CASK: variants seen among roughly 807,000 people sequenced by gnomAD.
CASK encodes the protein calcium/calmodulin dependent serine protein kinase, also known as peripheral plasma membrane protein CASK.
In CASK, 4 loss-of-function variants were observed where a neutral mutation model predicts 82.9. That is an observed-to-expected ratio of 0.05 (90% CI 0.02 to 0.11). The LOEUF is 0.11. Ranked by LOEUF, CASK falls within the 10% of genes least tolerant of loss-of-function variation. CASK has a pLI of 1.00. For synonymous variants in CASK, 259 were observed against 253.5 expected (o/e 1.02, Z -0.20); for missense variants, 358 against 720.9 (o/e 0.50, Z 5.76).
chrX:41,562,576 A>C (rs761427958), intron 16 of CASK: 3 of 112,325 alleles, frequency 2.7e-5, no homozygotes, highest in Non-Finnish European at 3.8e-5. Context: ...AATTACAAAA[A>C]GATATACAGA....
intron 18 of CASK, 186 bp downstream of exon 18, chrX:41,559,593 C>T (rs1201894225): frequency 1.0e-5 from 5 of 481,212 alleles, no homozygotes; most frequent in Non-Finnish European, 1.5e-5. Flanking sequence ...AGGAGATCCA[C>T]ATGGAAGCAG....
At chrX:41,889,522 A>G (rs2072125541) in intron 1 of CASK, among the ~76,000 whole-genome samples, 1 of 111,436 alleles carries the variant, frequency 9.0e-6, no homozygotes, top group Non-Finnish European at 1.9e-5. Context: ...AATGCTGGTG[A>G]GTCAGTATGA....
At chrX:41,690,148 GA>G (rs1378957776) in intron 5 of CASK, among the ~76,000 whole-genome samples, 1 of 111,560 alleles carries the variant, frequency 9.0e-6, no homozygotes, top group African/African-American at 3.3e-5. Flanking sequence ...TGCCCACTGG[GA>G]AATTAATCCC....
intron 2 of CASK, among the ~76,000 whole-genome samples, chrX:41,806,303 T>C (rs1338928575): frequency 8.9e-6 from 1 of 112,119 alleles, no homozygotes; most frequent in Non-Finnish European, 1.9e-5. Flanking sequence ...TATCTAAGTA[T>C]TTTAAATGTT....
intron 1 of CASK, among the ~76,000 whole-genome samples, chrX:41,922,202 A>AAC (rs1460893387): frequency 8.9e-6 from 1 of 112,115 alleles, no homozygotes; most frequent in Non-Finnish European, 1.9e-5. Flanking sequence ...GTAATTATAC[A>AAC]ACACAGATGA....
chrX:41,907,564 G>A (rs1234554906), intron 1 of CASK, among the ~76,000 whole-genome samples: 1 of 111,653 alleles, frequency 9.0e-6, no homozygotes, highest in Non-Finnish European at 1.9e-5. Context: ...GAGGGATGTG[G>A]GAAGGCTAAC....
chrX:41,755,711 T>C (rs1434881108), intron 3 of CASK, among the ~76,000 whole-genome samples: 2 of 111,929 alleles, frequency 1.8e-5, no homozygotes, highest in Non-Finnish European at 3.8e-5. Flanking sequence ...ATGGTATATA[T>C]AGAATATCCA....
At chrX:41,667,298 G>T (rs1388032471) in intron 6 of CASK, among the ~76,000 whole-genome samples, 1 of 111,637 alleles carries the variant, frequency 9.0e-6, no homozygotes, top group Non-Finnish European at 1.9e-5. Flanking sequence ...TAAATCAGTA[G>T]AAGGTAAAAA....
intron 1 of CASK, among the ~76,000 whole-genome samples, chrX:41,898,675 A>G (rs2072314879): frequency 9.0e-6 from 1 of 111,191 alleles, no homozygotes; most frequent in Admixed American, 9.5e-5. Flanking sequence ...TTTCCTTACA[A>G]TTTCTTCTTT....
intron 22 of CASK, among the ~76,000 whole-genome samples, chrX:41,542,172 TCA>T (rs1453029906): frequency 8.9e-6 from 1 of 112,724 alleles, no homozygotes; most frequent in Non-Finnish European, 1.9e-5. Flanking sequence ...AGAAGACGAC[TCA>T]CAGAAATGGA....
chrX:41,893,261 G>C (rs1018844976), intron 1 of CASK, among the ~76,000 whole-genome samples: 1 of 111,763 alleles, frequency 8.9e-6, no homozygotes, highest in Non-Finnish European at 1.9e-5. Context: ...TAGCTTTGTG[G>C]ACAGTTCCAC....
intron 14 of CASK, among the ~76,000 whole-genome samples, chrX:41,581,768 T>C (rs2065584224): frequency 9.1e-6 from 1 of 109,542 alleles, no homozygotes; most frequent in South Asian, 3.8e-4. Flanking sequence ...ATCTCAGAAT[T>C]ATATTTCCCA....
chrX:41,614,008 G>A (rs2066152085), intron 11 of CASK, among the ~76,000 whole-genome samples: 1 of 112,301 alleles, frequency 8.9e-6, no homozygotes, highest in African/African-American at 3.2e-5. Context: ...GATAATTGTA[G>A]ATTCACATGC....
chrX:41,910,882 G>T (rs998964569), intron 1 of CASK, among the ~76,000 whole-genome samples: 16 of 111,046 alleles, frequency 1.4e-4, no homozygotes, highest in African/African-American at 5.2e-4. Flanking sequence ...AAAATGTTTT[G>T]TTTTTTTTAA....
intron 2 of CASK, among the ~76,000 whole-genome samples, chrX:41,810,435 T>C (rs2147879475): frequency 8.9e-6 from 1 of 111,824 alleles, no homozygotes; most frequent in South Asian, 3.8e-4. Flanking sequence ...ATATTCAACA[T>C]TCTTAAAGAA....
intron 21 of CASK, among the ~76,000 whole-genome samples, chrX:41,543,927 T>G (rs746807406): frequency 2.0e-4 from 23 of 112,415 alleles, no homozygotes; most frequent in African/African-American, 7.1e-4. Context: ...AATACCACTG[T>G]GTTTTTAATT....
rs994017482 is a variant in CASK, at chrX:41,520,073, G to T, written c.*347C>A. 1.4e-4 allele frequency: 19 copies of T among 139,442 alleles called. No individual in the cohort carries two copies. The highest frequency in any genetic ancestry group is 2.4e-4 in the Non-Finnish European group (17 of 70,712). The allele number at this position is 139,442 out of a possible 1,213,427, so 11.5% of individuals were successfully genotyped here. ...ATCATTGTTTATTATTATTAAAATA[G>T]ATTATAGAAAGCAGCATCTATTTTG... On this transcript the variant is annotated 3_prime_UTR_variant, in exon 27 of 27. Transcript: ENST00000378163.
intron 17 of CASK, among the ~76,000 whole-genome samples, 173 bp from the exon 18 acceptor site, chrX:41,560,020 G>A (rs2065206682): frequency 8.9e-6 from 1 of 112,307 alleles, no homozygotes; most frequent in South Asian, 3.7e-4. Flanking sequence ...GTTAACAGTA[G>A]AGTAAGTTCC....
At chrX:41,567,887 C>A (rs2065343250) in intron 16 of CASK, among the ~76,000 whole-genome samples, 1 of 111,286 alleles carries the variant, frequency 9.0e-6, no homozygotes, top group Admixed American at 9.6e-5. Flanking sequence ...GGCACATATA[C>A]ACCAGGGAAT....
Sources: allele counts gnomAD v4.1 joint callset (sites outside exome capture counted in the v4.1 genomes callset), GRCh38; gene constraint gnomAD v4.1.1; transcripts MANE v1.5; gene names NCBI Gene and HGNC (gene_info 2026-07-23, HGNC 2026-07-21).